Variants in MYRFL observed in about 807,000 individuals in gnomAD.
The protein encoded by MYRFL is myelin regulatory factor like, also known as myelin regulatory factor-like protein.
In MYRFL, 88 loss-of-function variants were observed where a neutral mutation model predicts 109.4. The observed-to-expected ratio is 0.80, with a 90% CI of 0.68 to 0.96. The LOEUF is 0.96. Ranked by LOEUF, MYRFL falls within the 40% of genes least tolerant of loss-of-function variation. The pLI is 0.00. For synonymous variants in MYRFL, 324 were observed against 320.9 expected (o/e 1.01, Z -0.10); for missense variants, 957 against 954.9 (o/e 1.00, Z -0.03).
At chr12:69,916,931 C>T (rs1337683985) in intron 13 of MYRFL, among the ~76,000 whole-genome samples, 1 of 152,200 alleles carries the variant, frequency 6.6e-6, no homozygotes, top group Non-Finnish European at 1.5e-5. Context: ...AAAACTCCTA[C>T]ATATTCCTTC....
At chr12:69,911,597 A>G (rs1954575296) in intron 13 of MYRFL, among the ~76,000 whole-genome samples, 2 of 152,114 alleles carry the variant, frequency 1.3e-5, no homozygotes, top group African/African-American at 4.8e-5. Context: ...TCATTTGGTA[A>G]TGGGTCTAAA....
intron 23 of MYRFL, 81 bp from the exon 24 acceptor site, chr12:69,958,168 A>T: frequency 7.7e-7 from 1 of 1,291,906 alleles, no homozygotes; most frequent in East Asian, 2.5e-5. Context: ...GTCATTGAGG[A>T]AATGCTTTTT....
intron 11 of MYRFL, among the ~76,000 whole-genome samples, chr12:69,907,156 T>C (rs919486065): frequency 6.6e-6 from 1 of 152,176 alleles, no homozygotes; most frequent in African/African-American, 2.4e-5. Flanking sequence ...CAGGCTACTG[T>C]TTATATTTAG....
At position 69,879,050 on chromosome 12, in the gene MYRFL, C is replaced by T. The variant is rs1312370819; in HGVS notation, c.160C>T (p.Pro54Ser). The T allele has an allele frequency of 1.4e-6, 1 of 702,972 alleles. No homozygotes were observed. The highest frequency in any genetic ancestry group is 1.7e-5 in the African/African-American group (1 of 57,380). 43.5% of individuals were successfully genotyped at this position (702,972 alleles called of 1,614,324 possible). A position where few individuals can be genotyped will look rare whatever the true frequency, so the allele number is the denominator to read the frequency against. The part of the protein sequence containing the change: ...GALQRQLPDT[P>S]PYSASDSCSP... ...CAGGCAACGCCAGCTCCCAGACACC[C>T]CGCCCTATTCTGCATCCGACTCATG... The change falls in exon 3 of 25, where the codon CCG becomes TCG. Residue 54 changes from proline to serine, a missense_variant. Pro to Ser is a moderately conservative substitution (Grantham distance 74). Transcript: ENST00000552032.
intron 15 of MYRFL, 121 bp downstream of exon 15, chr12:69,927,869 A>T: frequency 2.4e-6 from 2 of 827,650 alleles, no homozygotes; most frequent in South Asian, 1.8e-5. Flanking sequence ...TTGCATCCTT[A>T]TGTACTATAT....
intron 13 of MYRFL, among the ~76,000 whole-genome samples, chr12:69,920,773 G>A (rs1324167586): frequency 1.3e-5 from 2 of 152,100 alleles, no homozygotes; most frequent in African/African-American, 2.4e-5. Context: ...TTTAGATAAG[G>A]GATACCCACT....
At chr12:69,872,917 C>T (rs1444789375) in intron 2 of MYRFL, among the ~76,000 whole-genome samples, 5 of 152,078 alleles carry the variant, frequency 3.3e-5, no homozygotes, top group African/African-American at 9.7e-5. Context: ...GGTGAGCTAC[C>T]GTGCCTGGCC....
intron 1 of MYRFL, among the ~76,000 whole-genome samples, chr12:69,854,706 A>AT (rs930505990): frequency 1.3e-5 from 2 of 152,058 alleles, no homozygotes; most frequent in African/African-American, 4.8e-5. Context: ...TAAGTTTTTA[A>AT]TTTTTATATA....
At chr12:69,900,658 G>T (rs1314149140) in intron 10 of MYRFL, among the ~76,000 whole-genome samples, 1 of 152,176 alleles carries the variant, frequency 6.6e-6, no homozygotes, top group African/African-American at 2.4e-5. Flanking sequence ...CCTAAGAGCT[G>T]CCTTCCTCAG....
intron 1 of MYRFL, among the ~76,000 whole-genome samples, chr12:69,854,701 T>C (rs1884163159): frequency 1.3e-5 from 2 of 152,120 alleles, no homozygotes; most frequent in South Asian, 4.1e-4. Flanking sequence ...ATTTTTAAGT[T>C]TTTAATTTTT....
Position 69,909,993 on chromosome 12 carries a change from A to C in MYRFL, c.1408A>C (p.Arg470=). 6.5e-7 allele frequency: 1 copy of C among 1,533,118 alleles called. No individual in the cohort carries two copies. The highest frequency in any genetic ancestry group is 8.7e-7 in the Non-Finnish European group (1 of 1,145,996). 95.0% of individuals were successfully genotyped at this position (1,533,118 alleles called of 1,614,324 possible). A position where few individuals can be genotyped will look rare whatever the true frequency, so the allele number is the denominator to read the frequency against. ...QEVDTNEQLK[R]IAQMRIVEYD... is the part of the protein sequence containing the mutation. ...GGTTGACACGAATGAACAGCTGAAA[A>C]GAATAGCCCAAATGAGAATTGTTGA... Residue 470 remains arginine, a synonymous_variant, in exon 12 of 25, where the codon AGA becomes CGA. Transcript: ENST00000552032.
chr12:69,945,368 C>T (rs1473989349), intron 19 of MYRFL, among the ~76,000 whole-genome samples: 1 of 152,090 alleles, frequency 6.6e-6, no homozygotes. Context: ...GTCTTTTATA[C>T]TTTATTTTTT....
intron 19 of MYRFL, among the ~76,000 whole-genome samples, chr12:69,948,998 T>G (rs10784812): frequency 0.13 from 19,353 of 152,076 alleles, 1,835 homozygotes; most frequent in East Asian, 0.48. Flanking sequence ...CCTTCCATCC[T>G]TTCACCCATA....
chr12:69,891,980 A>T (rs1886941980), intron 7 of MYRFL, among the ~76,000 whole-genome samples: 1 of 152,080 alleles, frequency 6.6e-6, no homozygotes. Context: ...TCCAGCCAAG[A>T]TGTCGATTTC....
At chr12:69,848,999 G>A (rs1377509108) in intron 1 of MYRFL, among the ~76,000 whole-genome samples, 1 of 152,164 alleles carries the variant, frequency 6.6e-6, no homozygotes. Context: ...AGCCTCCCAA[G>A]TAGCTGGGAC....
At chr12:69,826,014 A>G (rs1197777639) in intron 1 of MYRFL, among the ~76,000 whole-genome samples, 2 of 152,100 alleles carry the variant, frequency 1.3e-5, no homozygotes, top group East Asian at 1.9e-4. Context: ...TCTAGGGATC[A>G]GTCAGCAGCA....
intron 19 of MYRFL, among the ~76,000 whole-genome samples, chr12:69,949,554 G>A (rs756651470): frequency 6.6e-6 from 1 of 152,074 alleles, no homozygotes; most frequent in African/African-American, 2.4e-5. Flanking sequence ...TCCAACCCGC[G>A]GCCCATGGGC....
intron 13 of MYRFL, among the ~76,000 whole-genome samples, chr12:69,913,008 G>T (rs547213845): frequency 3.3e-5 from 5 of 152,156 alleles, no homozygotes; most frequent in South Asian, 2.1e-4. Context: ...ATCCAAATGG[G>T]TGTGAGGTGA....
chr12:69,865,359 C>G (rs958722804), intron 2 of MYRFL, among the ~76,000 whole-genome samples: 5 of 152,144 alleles, frequency 3.3e-5, no homozygotes, highest in African/African-American at 7.2e-5. Context: ...CTTGGCTTCT[C>G]TTTGTAGCAT....
Sources: gnomAD v4.1 joint callset for allele counts (sites outside exome capture counted in the v4.1 genomes callset) on GRCh38, gnomAD v4.1.1 for gene constraint, MANE v1.5 for transcripts, NCBI Gene and HGNC (gene_info 2026-07-23, HGNC 2026-07-21) for gene names.